SLC35F4: variants seen among roughly 807,000 people sequenced by gnomAD.
SLC35F4 encodes chromosome 14 open reading frame 36.
In SLC35F4, 24 loss-of-function variants were observed where a neutral mutation model predicts 44.2. That is an observed-to-expected ratio of 0.54 (90% confidence interval 0.39 to 0.76). The LOEUF (loss-of-function observed/expected upper bound fraction) is 0.76, where lower values mean the gene tolerates loss of function less well. Ranked by LOEUF, SLC35F4 falls within the 30% of genes least tolerant of loss-of-function variation. The pLI, the probability that SLC35F4 is intolerant of heterozygous loss-of-function variation, is 0.00. For synonymous variants in SLC35F4, 238 were observed against 223.6 expected (o/e 1.06, Z -0.57); for missense variants, 562 against 586.1 (o/e 0.96, Z 0.42).
chr14:57,632,857 T>C (rs79727682), intron 1 of SLC35F4, among the ~76,000 whole-genome samples: 2,248 of 152,158 alleles, frequency 0.015, 57 homozygotes, highest in African/African-American at 0.051. Context: ...TTCACTTCCC[T>C]AAAAATCCTC....
At position 57,757,644 on chromosome 14, in the gene SLC35F4, T is replaced by C. The variant is rs535765910; in HGVS notation, c.103+108079A>G. Among the ~76,000 whole-genome samples the C allele has an allele frequency of 7.9e-5, 12 of 152,266 alleles. No homozygotes were observed. In the East Asian group the frequency reaches 2.1e-3, roughly 27 times the overall value. On this transcript the variant is annotated intron_variant, in intron 1 of 7. Coordinates refer to ENST00000556826, the MANE Select transcript of SLC35F4 (RefSeq NM_001306087.2). Reference sequence around the variant, plus strand: ...GTCACTTACATGTATACTAAGAACTTTACAATAATATACTTCCATTTATTT... The same window carrying C: ...GTCACTTACATGTATACTAAGAACTCTACAATAATATACTTCCATTTATTT...
intron 1 of SLC35F4, among the ~76,000 whole-genome samples, chr14:57,657,560 A>C (rs2074006324): frequency 6.6e-6 from 1 of 152,180 alleles, no homozygotes; most frequent in South Asian, 2.1e-4. Flanking sequence ...CCCAAAATCT[A>C]GGATCCTGTG....
intron 3 of SLC35F4, among the ~76,000 whole-genome samples, chr14:57,585,497 T>A (rs748711772): frequency 6.6e-6 from 1 of 152,112 alleles, no homozygotes; most frequent in African/African-American, 2.4e-5. Context: ...GCCAGGGCGA[T>A]CAGGCAAGAG....
At chr14:57,872,699 T>A (rs996505411) in intron 1 of SLC35F4, among the ~76,000 whole-genome samples, 1 of 152,152 alleles carries the variant, frequency 6.6e-6, no homozygotes. Context: ...AGCTAGGGTA[T>A]AAATTCTCCA....
chr14:57,739,966 T>C (rs2076564022), intron 1 of SLC35F4, among the ~76,000 whole-genome samples: 1 of 152,100 alleles, frequency 6.6e-6, no homozygotes, highest in South Asian at 2.1e-4. Context: ...TTCAAGCAAT[T>C]CTCCTGCCTC....
intron 1 of SLC35F4, among the ~76,000 whole-genome samples, chr14:57,931,882 TC>T (rs1377155394): frequency 1.1e-4 from 16 of 152,162 alleles, no homozygotes; most frequent in African/African-American, 3.9e-4. Flanking sequence ...ATATTCCCAG[TC>T]CCCCCATGTG....
intron 1 of SLC35F4, among the ~76,000 whole-genome samples, chr14:57,937,283 G>T (rs1470497726): frequency 6.6e-6 from 1 of 151,998 alleles, no homozygotes; most frequent in Non-Finnish European, 1.5e-5. Context: ...GGTCAGGCTG[G>T]TCTCAAACTC....
intron 1 of SLC35F4, among the ~76,000 whole-genome samples, chr14:57,852,632 G>T (rs1412642291): frequency 6.6e-6 from 1 of 152,218 alleles, no homozygotes; most frequent in Non-Finnish European, 1.5e-5. Flanking sequence ...TAAAAAGTCT[G>T]TGGGAATAAT....
At chr14:57,677,405 GAAAA>G (rs956064881) in intron 1 of SLC35F4, among the ~76,000 whole-genome samples, 1 of 122,530 alleles carries the variant, frequency 8.2e-6, no homozygotes, top group African/African-American at 3.6e-5. Flanking sequence ...CAAAACTATT[GAAAA>G]AAAAATAAAA....
intron 1 of SLC35F4, chr14:57,604,332 G>A (rs1053210198): frequency 6.6e-6 from 1 of 152,112 alleles, no homozygotes; most frequent in African/African-American, 2.4e-5. Context: ...AAAGAGATCA[G>A]CCAACTAAAT....
At chr14:57,695,876 A>G (rs1340369911) in intron 1 of SLC35F4, among the ~76,000 whole-genome samples, 2 of 152,202 alleles carry the variant, frequency 1.3e-5, no homozygotes, top group East Asian at 1.9e-4. Flanking sequence ...TTGTAGGGAC[A>G]TGGATGAAAC....
exon 2 of SLC35F4, chr14:57,976,812 T>C (rs1462918567): frequency 6.6e-6 from 1 of 152,242 alleles, no homozygotes; most frequent in Non-Finnish European, 1.5e-5. Context: ...GTTCACATTT[T>C]TCATGGAAAG....
intron 1 of SLC35F4, among the ~76,000 whole-genome samples, chr14:57,670,677 G>A (rs1333977502): frequency 6.6e-6 from 1 of 151,954 alleles, no homozygotes; most frequent in Admixed American, 6.6e-5. Context: ...TAGTTTGATT[G>A]CACTGTGGTC....
intron 1 of SLC35F4, among the ~76,000 whole-genome samples, chr14:57,793,265 A>G (rs1228744610): frequency 3.3e-5 from 5 of 151,400 alleles, no homozygotes; most frequent in Non-Finnish European, 5.9e-5. Flanking sequence ...TTTTTTTTCA[A>G]TTGCTTTAGG....
At chr14:57,974,084 T>G (rs1881136888), downstream of SLC35F4, among the ~76,000 whole-genome samples, 1 of 152,296 alleles carries the variant, frequency 6.6e-6, no homozygotes, top group Non-Finnish European at 1.5e-5. Context: ...AGACGGGTGA[T>G]TCTTCTGTTT....
intron 1 of SLC35F4, among the ~76,000 whole-genome samples, chr14:57,694,927 TC>T (rs2075338125): frequency 1.3e-5 from 2 of 152,326 alleles, no homozygotes; most frequent in South Asian, 4.1e-4. Flanking sequence ...CTCTGTAAGT[TC>T]TTTTGGATTT....
rs5808943 is a variant in SLC35F4 at position 57,827,803 on chromosome 14, CAA to C, written c.103+37918_103+37919del. The stretch of plus-strand genomic sequence containing the variant: ...ATACTTCCCTTCACTCCTTATTTTT[CAA>C]AAAAAAAAAAAACAGTAAATAAGTA... On this transcript the variant is annotated intron_variant, in intron 1 of 7. Coordinates refer to ENST00000556826, the MANE Select transcript of SLC35F4 (RefSeq NM_001306087.2). Among the ~76,000 whole-genome samples the C allele has an allele frequency of 7.3e-3, 937 of 128,136 alleles. 5 individuals are homozygous for C. The highest frequency in any genetic ancestry group is 0.011 in the African/African-American group (424 of 38,952). The allele number at this position is 128,136 out of a possible 152,430, so 84.1% of individuals were successfully genotyped here. A position where few individuals can be genotyped will look rare whatever the true frequency, so the allele number is the denominator to read the frequency against.
At chr14:57,947,318 T>G (rs1566510129) in intron 1 of SLC35F4, among the ~76,000 whole-genome samples, 1 of 151,984 alleles carries the variant, frequency 6.6e-6, no homozygotes, top group Non-Finnish European at 1.5e-5. Flanking sequence ...AGTTCCTGAT[T>G]TGATTCTCAG....
intron 1 of SLC35F4, among the ~76,000 whole-genome samples, chr14:57,964,985 A>ATATATATATATATAT (rs1361527829): frequency 7.6e-6 from 1 of 130,980 alleles, no homozygotes; most frequent in African/African-American, 3.4e-5. Flanking sequence ...AAAAAAAAAA[A>ATATATATATATATAT]AAAAAAATAT....
Sources: allele counts gnomAD v4.1 joint callset (sites outside exome capture counted in the v4.1 genomes callset), GRCh38; gene constraint gnomAD v4.1.1; transcripts MANE v1.5; gene names NCBI Gene and HGNC (gene_info 2026-07-23, HGNC 2026-07-21).